SPAG17: variants seen among roughly 807,000 people sequenced by gnomAD.
The protein encoded by SPAG17 is sperm associated antigen 17, also known as sperm-associated antigen 17.
In SPAG17, 169 loss-of-function variants were observed where a neutral mutation model predicts 273.6. The ratio of observed to expected loss-of-function variants is 0.62; its 90% CI spans 0.55 to 0.70. SPAG17 has a LOEUF of 0.70. Among genes scored for constraint, SPAG17 ranks in the 30% least tolerant of loss-of-function variants. The probability of loss-of-function intolerance (pLI) is 0.00; values close to 1 mark genes in which losing one functional copy is unlikely to be tolerated. For synonymous variants in SPAG17, 825 were observed against 873.2 expected (o/e 0.94, Z 0.97); for missense variants, 2,557 against 2,627.8 (o/e 0.97, Z 0.59).
chr1:118,061,582 T>A (rs996527988), intron 18 of SPAG17, among the ~76,000 whole-genome samples: 2 of 152,170 alleles, frequency 1.3e-5, no homozygotes, highest in African/African-American at 2.4e-5. Flanking sequence ...AATATGGTAT[T>A]GTGCACTTGA....
intron 32 of SPAG17, among the ~76,000 whole-genome samples, chr1:118,002,397 T>G (rs1460102462): frequency 6.6e-6 from 1 of 152,180 alleles, no homozygotes; most frequent in Non-Finnish European, 1.5e-5. Context: ...TCTGTCTCAT[T>G]GATCTGTCTA....
At chr1:118,184,137 ACACAAGAC>A (rs1305010839) in intron 1 of SPAG17, among the ~76,000 whole-genome samples, 1 of 152,210 alleles carries the variant, frequency 6.6e-6, no homozygotes, top group Non-Finnish European at 1.5e-5. Flanking sequence ...CATGAAGGCA[ACACAAGAC>A]TTTAGATCCA....
intron 46 of SPAG17, among the ~76,000 whole-genome samples, chr1:117,967,843 G>T (rs1025050467): frequency 6.6e-6 from 1 of 152,078 alleles, no homozygotes; most frequent in Non-Finnish European, 1.5e-5. Context: ...AGCAGACTTG[G>T]GAACAGTTAT....
rs567228150 is a variant in SPAG17, at chr1:117,960,615, G to A, written c.*3184C>T. On this transcript the variant is annotated intron_variant, in intron 48 of 48. Transcript: ENST00000336338. ...GGCGATGAGTTGTTCATGCACAGGT[G>A]ATTAGTGTCACAGCATTTTAAGTGC... 3 of 152,328 alleles carry A rather than the reference G, an allele frequency of 2.0e-5. No homozygotes were observed. In the East Asian group the frequency reaches 5.8e-4, roughly 29 times the overall value. The allele number at this position is 152,328 out of a possible 1,614,324, so 9.4% of individuals were successfully genotyped here. A position where few individuals can be genotyped will look rare whatever the true frequency, so the allele number is the denominator to read the frequency against.
At chr1:117,991,748 A>G (rs976022347) in intron 36 of SPAG17, among the ~76,000 whole-genome samples, 2 of 152,198 alleles carry the variant, frequency 1.3e-5, no homozygotes, top group Non-Finnish European at 1.5e-5. Flanking sequence ...GGGCCACAGG[A>G]TAGAACTGCA....
chr1:118,009,999 A>T (rs1021164278), intron 30 of SPAG17, among the ~76,000 whole-genome samples: 1 of 152,182 alleles, frequency 6.6e-6, no homozygotes, highest in Non-Finnish European at 1.5e-5. Context: ...AGGTACAGAA[A>T]GACAAATAGC....
rs1206470078 is a variant in SPAG17 at position 118,093,323 on chromosome 1, A to T, written c.1012-6T>A. ...ATATCAGTGCCCAATTTCAGCTACA[A>T]GTGAGAGATTTAATGGCAATTGGTT... On this transcript the variant is annotated splice_polypyrimidine_tract_variant and splice_region_variant and intron_variant, in intron 7 of 48. Coordinates refer to ENST00000336338, the MANE Select transcript of SPAG17 (RefSeq NM_206996.4). 2 of 1,600,430 alleles carry T rather than the reference A, an allele frequency of 1.2e-6. No individual in the cohort carries two copies. The highest frequency in any genetic ancestry group is 8.5e-7 in the Non-Finnish European group (1 of 1,172,554).
chr1:118,002,318 T>C (rs1475211018), intron 32 of SPAG17, among the ~76,000 whole-genome samples: 1 of 151,978 alleles, frequency 6.6e-6, no homozygotes, highest in Non-Finnish European at 1.5e-5. Flanking sequence ...GGGCGGAGAG[T>C]TCTGTAGATG....
At chr1:118,145,995 T>A (rs932084584) in intron 3 of SPAG17, among the ~76,000 whole-genome samples, 1 of 152,204 alleles carries the variant, frequency 6.6e-6, no homozygotes, top group African/African-American at 2.4e-5. Context: ...GAAGGCTCAT[T>A]TCCTGGTTGG....
chr1:117,958,799 A>G (rs1481119685), intron 48 of SPAG17: 2 of 571,070 alleles, frequency 3.5e-6, no homozygotes, highest in East Asian at 3.2e-5. Flanking sequence ...AAACATTTCT[A>G]TAATGTATAT....
intron 24 of SPAG17, among the ~76,000 whole-genome samples, chr1:118,033,064 T>C (rs142640134): frequency 3.3e-4 from 51 of 152,326 alleles, no homozygotes; most frequent in African/African-American, 1.2e-3. Flanking sequence ...ACCCTACATG[T>C]GACTGTGATG....
chr1:118,085,177 T>G (rs892141948), intron 13 of SPAG17, among the ~76,000 whole-genome samples: 5 of 152,138 alleles, frequency 3.3e-5, no homozygotes, highest in African/African-American at 1.2e-4. Context: ...CAAATTCAGA[T>G]TATCTCGATC....
At chr1:118,142,975 T>C (rs1192833646) in intron 3 of SPAG17, among the ~76,000 whole-genome samples, 3 of 152,210 alleles carry the variant, frequency 2.0e-5, no homozygotes, top group Admixed American at 6.5e-5. Context: ...TTTTCCATCT[T>C]TCTTTCTTTC....
intron 1 of SPAG17, among the ~76,000 whole-genome samples, chr1:118,170,646 G>A (rs1660379612): frequency 1.3e-5 from 2 of 152,136 alleles, no homozygotes; most frequent in African/African-American, 2.4e-5. Flanking sequence ...GGATATTATT[G>A]TCTCTATCTG....
chr1:118,163,395 C>T (rs1660020908), intron 1 of SPAG17, among the ~76,000 whole-genome samples: 1 of 152,068 alleles, frequency 6.6e-6, no homozygotes, highest in Admixed American at 6.6e-5. Flanking sequence ...TATGTGGTGA[C>T]CTCATTCCCA....
intron 1 of SPAG17, among the ~76,000 whole-genome samples, chr1:118,159,686 TTTGA>T (rs1659817871): frequency 6.6e-6 from 1 of 152,194 alleles, no homozygotes; most frequent in African/African-American, 2.4e-5. Flanking sequence ...GCTTAGGCTG[TTTGA>T]TTGTTTTTCT....
At chr1:118,037,966 C>A (rs925905489) in intron 23 of SPAG17, among the ~76,000 whole-genome samples, 1 of 151,926 alleles carries the variant, frequency 6.6e-6, no homozygotes, top group African/African-American at 2.4e-5. Context: ...AACCATGGAA[C>A]AAAAGGTAAT....
intron 28 of SPAG17, among the ~76,000 whole-genome samples, chr1:118,019,134 C>T (rs999442573): frequency 2.7e-5 from 4 of 149,000 alleles, no homozygotes; most frequent in African/African-American, 9.9e-5. Flanking sequence ...TACCGAGACA[C>T]AATGAAACAA....
intron 23 of SPAG17, 42 bp from the exon 24 acceptor site, chr1:118,036,925 AAAAT>A (rs1369535622): frequency 9.5e-6 from 13 of 1,365,704 alleles, no homozygotes; most frequent in Non-Finnish European, 1.3e-5. Context: ...CATTTAATTC[AAAAT>A]AAATATAACT....
Sources: gnomAD v4.1 joint callset for allele counts (sites outside exome capture counted in the v4.1 genomes callset) on GRCh38, gnomAD v4.1.1 for gene constraint, MANE v1.5 for transcripts, NCBI Gene and HGNC (gene_info 2026-07-23, HGNC 2026-07-21) for gene names.